The following SRC variants were observed in gnomAD, a reference collection of about 807,000 sequenced individuals.
SRC encodes the protein SRC proto-oncogene, non-receptor tyrosine kinase.
Under a neutral mutation model 62.9 loss-of-function variants are expected in SRC, and 13 were observed. The ratio of observed to expected loss-of-function variants is 0.21; its 90% CI spans 0.13 to 0.33. The LOEUF (loss-of-function observed/expected upper bound fraction) is 0.33, where lower values mean the gene tolerates loss of function less well. Among genes scored for constraint, SRC ranks in the 10% least tolerant of loss-of-function variants. The pLI, the probability that SRC is intolerant of heterozygous loss-of-function variation, is 1.00. For synonymous variants in SRC, 302 were observed against 317.5 expected, an observed-to-expected ratio of 0.95 and a Z score of 0.52; for missense variants, 457 against 737.3, an observed-to-expected ratio of 0.62 and a Z score of 4.40.
At chr20:37,353,719 AG>A (rs932620190) in intron 1 of SRC, among the ~76,000 whole-genome samples, 3 of 152,106 alleles carry the variant, frequency 2.0e-5, no homozygotes, top group Non-Finnish European at 4.4e-5. Flanking sequence ...ATTTGAACCC[AG>A]GGCTTCCTGG....
At chr20:37,356,500 T>A (rs141026752) in intron 1 of SRC, among the ~76,000 whole-genome samples, 1 of 149,974 alleles carries the variant, frequency 6.7e-6, no homozygotes, top group East Asian at 2.0e-4. Context: ...TGGCCAGGTC[T>A]GGGATGGACA....
chr20:37,401,938 T>C lies in SRC; in HGVS notation c.1116+260T>C. 9.2e-6 allele frequency: 4 copies of C among 435,918 alleles called. No homozygotes were observed. The South Asian group carries it at 2.5e-4, about 28-fold the overall frequency. 27.0% of individuals were successfully genotyped at this position (435,918 alleles called of 1,614,324 possible). A position where few individuals can be genotyped will look rare whatever the true frequency, so the allele number is the denominator to read the frequency against. On this transcript the variant is annotated intron_variant, in intron 11 of 13. Coordinates refer to ENST00000373578, the MANE Select transcript of SRC (RefSeq NM_198291.3). ...GACCTCGGGCCTCAGTTGTCGTCTCTGTAAAGGTCATTTAGTCGCTTAGCA... is the reference window on the plus strand; with the variant it reads ...GACCTCGGGCCTCAGTTGTCGTCTCCGTAAAGGTCATTTAGTCGCTTAGCA...
chr20:37,359,102 A>G (rs1195077951), intron 1 of SRC, among the ~76,000 whole-genome samples: 1 of 152,216 alleles, frequency 6.6e-6, no homozygotes, highest in Non-Finnish European at 1.5e-5. Flanking sequence ...GGTGGGCAGA[A>G]GCTCTGCCGC....
At chr20:37,379,678 C>T (rs1184220729) in intron 2 of SRC, among the ~76,000 whole-genome samples, 2 of 148,298 alleles carry the variant, frequency 1.3e-5, no homozygotes, top group Admixed American at 1.3e-4. Flanking sequence ...GAGCCGAGAT[C>T]ACACCATTGC....
At position 37,403,082 on chromosome 20, in the gene SRC, C is replaced by A; in HGVS notation, c.1403-89C>A. ...ATGGTCACTCCCAACCTGTCCTAGG[C>A]AGGAAGCCCTCGCTGCCCTCCCCAT... On this transcript the variant is annotated intron_variant, in intron 13 of 13. Transcript: ENST00000373578. The surrounding 1 kb of genome is among the most constrained non-coding windows in gnomAD (Gnocchi z 7.1). 1 of 1,395,402 alleles carries A rather than the reference C, an allele frequency of 7.2e-7. No individual in the cohort carries two copies. The highest frequency in any genetic ancestry group is 9.6e-7 in the Non-Finnish European group (1 of 1,042,402). The allele number at this position is 1,395,402 out of a possible 1,614,324, so 86.4% of individuals were successfully genotyped here. A position where few individuals can be genotyped will look rare whatever the true frequency, so the allele number is the denominator to read the frequency against.
At chr20:37,388,502 T>C (rs2070490940) in intron 5 of SRC, among the ~76,000 whole-genome samples, 1 of 152,144 alleles carries the variant, frequency 6.6e-6, no homozygotes, top group Non-Finnish European at 1.5e-5. Context: ...TCCCAGCACT[T>C]TGGGAGGCTG....
In SRC at chr20:37,397,332, G is replaced by A. The variant is rs933417753; in HGVS notation, c.704-367G>A. Among the ~76,000 whole-genome samples the A allele has an allele frequency of 1.3e-5, 2 of 152,168 alleles. No homozygotes were observed. The highest frequency in any genetic ancestry group is 2.9e-5 in the Non-Finnish European group (2 of 68,024). On this transcript the variant is annotated intron_variant, in intron 8 of 13. Coordinates refer to ENST00000373578, the MANE Select transcript of SRC (RefSeq NM_198291.3). The surrounding 1 kb of genome is among the most constrained non-coding windows in gnomAD (Gnocchi z 4.1). ...TTCCAGGCCACTCCTGCTGTTGCGCGAACAGCTCTCCAGTCACATTCACAT... is the reference window on the plus strand; with the variant it reads ...TTCCAGGCCACTCCTGCTGTTGCGCAAACAGCTCTCCAGTCACATTCACAT...
In SRC at chr20:37,402,426, C is replaced by T. The variant is rs199909071; in HGVS notation, c.1117-9C>T. On this transcript the variant is annotated splice_polypyrimidine_tract_variant and intron_variant, in intron 11 of 13. Transcript: ENST00000373578. The surrounding 1 kb of genome is among the most constrained non-coding windows in gnomAD (Gnocchi z 6.2). ...CACCTGAGCCAGGCTCCCACGGTTC[C>T]GCCTGCAGATCGCCTCAGGCATGGC... The T allele has an allele frequency of 1.4e-4, 221 of 1,610,588 alleles. No individual in the cohort carries two copies. Among genetic ancestry groups the T allele is most frequent in the Admixed American group, 6.0e-4 (36 of 59,618 alleles).
At chr20:37,371,073 C>G (rs551751501) in intron 2 of SRC, among the ~76,000 whole-genome samples, 1 of 151,728 alleles carries the variant, frequency 6.6e-6, no homozygotes, top group Non-Finnish European at 1.5e-5. Context: ...ACCTCAACCT[C>G]CGCCTCTTGG....
At position 37,362,557 on chromosome 20, in the gene SRC, G is replaced by A. The variant is rs571727738; in HGVS notation, c.-246-2647G>A. 2.0e-5 allele frequency among the ~76,000 whole-genome samples: 3 copies of A among 152,222 alleles called. No individual in the cohort carries two copies. In the East Asian group the frequency reaches 5.8e-4, roughly 29 times the overall value. ...TTCCAGGGCAGGCCTTGGTCTTGCT[G>A]TGTGACCAAGGCCCGGCAGCCCCCT... On this transcript the variant is annotated intron_variant, in intron 1 of 13. Transcript: ENST00000373578.
intron 2 of SRC, among the ~76,000 whole-genome samples, chr20:37,367,668 A>C (rs1210091591): frequency 6.7e-6 from 1 of 149,582 alleles, no homozygotes; most frequent in African/African-American, 2.5e-5. Flanking sequence ...TTTTGTAGAG[A>C]TAGGATCTTA....
At chr20:37,374,515 G>C (rs893856603) in intron 2 of SRC, among the ~76,000 whole-genome samples, 2 of 150,780 alleles carry the variant, frequency 1.3e-5, no homozygotes, top group Non-Finnish European at 2.9e-5. Context: ...TAGTTTTGCA[G>C]TAGATTCTCT....
Position 37,402,437 on chromosome 20 carries a change from C to A in SRC, c.1119C>A (p.Ile373=). Residue 373 remains isoleucine, a splice_region_variant and synonymous_variant, in exon 12 of 14, where the codon ATC becomes ATA. Transcript: ENST00000373578. This position sits in a 1 kb window ranked among gnomAD's most constrained non-coding sequence, Gnocchi z 6.2. ...LPQLVDMAAQ[I]ASGMAYVERM... ...GGCTCCCACGGTTCCGCCTGCAGAT[C>A]GCCTCAGGCATGGCGTACGTGGAGC... 1 of 1,611,508 alleles carries A rather than the reference C, an allele frequency of 6.2e-7. No homozygotes were observed. Among genetic ancestry groups the A allele is most frequent in the South Asian group, 1.1e-5 (1 of 91,002 alleles).
intron 5 of SRC, among the ~76,000 whole-genome samples, chr20:37,388,974 G>T (rs2070500441): frequency 6.6e-6 from 1 of 152,110 alleles, no homozygotes; most frequent in Non-Finnish European, 1.5e-5. Flanking sequence ...AAGAGTGGGG[G>T]GCTTTCTGAA....
At position 37,398,652 on chromosome 20, in the gene SRC, G is replaced by A. The variant is rs766661542; in HGVS notation, c.859+798G>A. 2.0e-5 allele frequency among the ~76,000 whole-genome samples: 3 copies of A among 152,252 alleles called. No homozygotes were observed. The highest frequency in any genetic ancestry group is 2.9e-5 in the Non-Finnish European group (2 of 68,042). On this transcript the variant is annotated intron_variant, in intron 9 of 13. Coordinates refer to ENST00000373578, the MANE Select transcript of SRC (RefSeq NM_198291.3). The surrounding 1 kb of genome is among the most constrained non-coding windows in gnomAD (Gnocchi z 5.2). ...CTGGAGGTCAGGCTGTCCGGGAAGG[G>A]GAGGCGTGGGCTTTGAGCTGGTGAG...
At chr20:37,369,655 A>G (rs1381416425) in intron 2 of SRC, among the ~76,000 whole-genome samples, 1 of 152,080 alleles carries the variant, frequency 6.6e-6, no homozygotes, top group East Asian at 1.9e-4. Flanking sequence ...TGTCCGGGCT[A>G]GAAGCTCCAG....
rs2070808850 is a variant in SRC at position 37,405,181 on chromosome 20, C to A, written c.*1802C>A. Reference sequence around the variant, plus strand: ...CACTCACCCCAGCGAGCTCTCAAATCCCTCTCCAACTGCCTAAGGCCCTTT... The same window carrying A: ...CACTCACCCCAGCGAGCTCTCAAATACCTCTCCAACTGCCTAAGGCCCTTT... On this transcript the variant is annotated 3_prime_UTR_variant, in exon 14 of 14. Transcript: ENST00000373578. 4.3e-6 allele frequency: 1 copy of A among 232,478 alleles called. No homozygotes were observed. The highest frequency in any genetic ancestry group is 8.5e-6 in the Non-Finnish European group (1 of 117,304). The allele number at this position is 232,478 out of a possible 1,614,324, so 14.4% of individuals were successfully genotyped here. A position where few individuals can be genotyped will look rare whatever the true frequency, so the allele number is the denominator to read the frequency against.
intron 2 of SRC, among the ~76,000 whole-genome samples, chr20:37,378,427 T>C (rs2070309697): frequency 6.6e-6 from 1 of 152,196 alleles, no homozygotes; most frequent in Admixed American, 6.5e-5. Context: ...GCCCACTGCC[T>C]GCATTATCAT....
At chr20:37,369,998 C>T (rs1213348041) in intron 2 of SRC, among the ~76,000 whole-genome samples, 1 of 152,102 alleles carries the variant, frequency 6.6e-6, no homozygotes, top group Non-Finnish European at 1.5e-5. Context: ...TGAGATTTTA[C>T]CATGTTGGCC....
Sources: allele counts gnomAD v4.1 joint callset (sites outside exome capture counted in the v4.1 genomes callset), GRCh38; gene constraint gnomAD v4.1.1; non-coding constraint Gnocchi (gnomAD v3.1); transcripts MANE v1.5; gene names NCBI Gene and HGNC (gene_info 2026-07-23, HGNC 2026-07-21).